Variants in KIAA1549 observed in about 807,000 individuals in gnomAD.
KIAA1549 encodes the protein KIAA1549, also known as UPF0606 protein KIAA1549.
A neutral mutation model predicts 156.4 loss-of-function variants in KIAA1549; 70 were observed. The observed-to-expected ratio is 0.45, with a 90% CI of 0.37 to 0.55. The LOEUF is 0.55. Ranked by LOEUF, KIAA1549 falls within the 20% of genes least tolerant of loss-of-function variation. The pLI, the probability that KIAA1549 is intolerant of heterozygous loss-of-function variation, is 0.00. For synonymous variants in KIAA1549, 1,103 were observed against 1,066.4 expected, an observed-to-expected ratio of 1.03 and a Z score of -0.67; for missense variants, 2,428 against 2,540.9, an observed-to-expected ratio of 0.96 and a Z score of 0.96.
At chr7:138,920,957 T>C (rs1426013454) in intron 1 of KIAA1549, among the ~76,000 whole-genome samples, 2 of 152,212 alleles carry the variant, frequency 1.3e-5, no homozygotes, top group South Asian at 2.1e-4. Flanking sequence ...AGTGACTGGA[T>C]GGCCTGCAAG....
chr7:138,918,453 G>A lies in KIAA1549; in HGVS notation c.1173C>T (p.Ser391=), dbSNP rs769166476. ...PFLPSDSSKT[S]ELHSNSALPG... ...GGAGGGCTGAATTGCTATGCAATTC[G>A]GATGTTTTGCTGGAGTCGCTAGGGA... is the stretch of plus-strand genomic sequence containing the variant. The change falls in exon 2 of 20, where the codon TCC becomes TCT. Residue 391 remains serine, a synonymous_variant. Coordinates refer to ENST00000422774, the MANE Select transcript of KIAA1549 (RefSeq NM_001164665.2). This position sits in a 1 kb window ranked among gnomAD's most constrained non-coding sequence, Gnocchi z 4.2. The A allele has an allele frequency of 2.4e-5, 39 of 1,613,774 alleles. No individual in the cohort carries two copies. Among genetic ancestry groups the A allele is most frequent in the Non-Finnish European group, 3.1e-5 (36 of 1,179,848 alleles).
In KIAA1549 at chr7:138,837,039, C is replaced by T. The variant is rs921936340; in HGVS notation, c.*867G>A. 1.7e-5 allele frequency: 4 copies of T among 228,578 alleles called. No individual in the cohort carries two copies. The highest frequency in any genetic ancestry group is 6.7e-5 in the African/African-American group (3 of 45,068). The allele number at this position is 228,578 out of a possible 1,614,324, so 14.2% of individuals were successfully genotyped here. A position where few individuals can be genotyped will look rare whatever the true frequency, so the allele number is the denominator to read the frequency against. ...ATTCTACAGGATCGGCCTTAGCGATCGGTGCTGAACTGGGACATGACCAGG... is the reference window on the plus strand; with the variant it reads ...ATTCTACAGGATCGGCCTTAGCGATTGGTGCTGAACTGGGACATGACCAGG... On this transcript the variant is annotated 3_prime_UTR_variant, in exon 20 of 20. Transcript: ENST00000422774.
Position 138,906,963 on chromosome 7 carries a change from T to A in KIAA1549, c.3416A>T (p.Glu1139Val). The part of the protein sequence containing the change: ...SELLRNLSVV[E>V]FSFYLGYPVL... ...TGGGTATCCCAGATAGAAACTGAAC[T>A]CCACCACACTCAAGTTTCTGAGCAG... is the stretch of plus-strand genomic sequence containing the variant. Residue 1139 changes from glutamate to valine, a missense_variant, in exon 6 of 20, where the codon GAG becomes GTG. By Grantham distance (121) the Glu-to-Val change is moderately radical (BLOSUM62 -2). This residue lies in a region of KIAA1549 where 762 missense variants were observed against 901.6 expected (regional missense o/e 0.85). Coordinates refer to ENST00000422774, the MANE Select transcript of KIAA1549 (RefSeq NM_001164665.2). The A allele has an allele frequency of 1.2e-6, 2 of 1,612,276 alleles. No individual in the cohort carries two copies. The highest frequency in any genetic ancestry group is 1.7e-6 in the Non-Finnish European group (2 of 1,179,246).
At chr7:138,941,199 G>A (rs1264764013) in intron 1 of KIAA1549, among the ~76,000 whole-genome samples, 1 of 152,154 alleles carries the variant, frequency 6.6e-6, no homozygotes, top group African/African-American at 2.4e-5. Flanking sequence ...TAAGTCACCT[G>A]ATTAGGAGTT....
In KIAA1549 at chr7:138,834,124, C is replaced by A. The variant is rs931907371; in HGVS notation, c.*3782G>T. 4.6e-6 allele frequency: 1 copy of A among 216,776 alleles called. No homozygotes were observed. The highest frequency in any genetic ancestry group is 9.3e-6 in the Non-Finnish European group (1 of 107,682). The allele number at this position is 216,776 out of a possible 1,614,324, so 13.4% of individuals were successfully genotyped here. ...AGATATTGCATTTCCAAACATGCAA[C>A]TTCTTCTGGGTGCCTAATTCATTTA... is the stretch of plus-strand genomic sequence containing the variant. On this transcript the variant is annotated 3_prime_UTR_variant, in exon 20 of 20. Transcript: ENST00000422774.
At chr7:138,868,151 T>C (rs1279938675) in intron 14 of KIAA1549, 23 bp from the exon 15 acceptor site, 2 of 1,604,862 alleles carry the variant, frequency 1.2e-6, no homozygotes, top group East Asian at 2.2e-5. Flanking sequence ...AGAGAAATTA[T>C]CTTCGTAGGA....
intron 12 of KIAA1549, among the ~76,000 whole-genome samples, chr7:138,879,285 C>A (rs1016322071): frequency 6.6e-6 from 1 of 152,138 alleles, no homozygotes; most frequent in Non-Finnish European, 1.5e-5. Flanking sequence ...GCAGGCAAAT[C>A]GTGAGGACTC....
intron 19 of KIAA1549, among the ~76,000 whole-genome samples, chr7:138,839,215 G>A (rs1809836369): frequency 6.6e-6 from 1 of 152,134 alleles, no homozygotes; most frequent in East Asian, 1.9e-4. Context: ...AATTGAGTGT[G>A]TCTGTTGGGA....
chr7:138,919,678 G>T (rs138735877), intron 1 of KIAA1549, among the ~76,000 whole-genome samples: 1 of 152,104 alleles, frequency 6.6e-6, no homozygotes, highest in Non-Finnish European at 1.5e-5. Flanking sequence ...GTGTATGTGT[G>T]GGGGTGGGGA....
chr7:138,974,302 G>C (rs914430979), intron 1 of KIAA1549, among the ~76,000 whole-genome samples: 3 of 152,094 alleles, frequency 2.0e-5, no homozygotes, highest in Non-Finnish European at 2.9e-5. Flanking sequence ...TCTCGGTGAG[G>C]TGGAGGGTGG....
chr7:138,935,255 T>C (rs956723525), intron 1 of KIAA1549, among the ~76,000 whole-genome samples: 31 of 152,234 alleles, frequency 2.0e-4, no homozygotes, highest in African/African-American at 7.2e-4. Flanking sequence ...GGGGACTCTA[T>C]TTCTGTGCAT....
chr7:138,832,302 T>A lies in KIAA1549; in HGVS notation c.*5604A>T, dbSNP rs982290722. ...GCCTCCAACTCATTGGCTCAAGCGATCCTCCAGTCTTAGCCTTTCGAGTAG... is the reference window on the plus strand; with the variant it reads ...GCCTCCAACTCATTGGCTCAAGCGAACCTCCAGTCTTAGCCTTTCGAGTAG... On this transcript the variant is annotated 3_prime_UTR_variant, in exon 20 of 20. Coordinates refer to ENST00000422774, the MANE Select transcript of KIAA1549 (RefSeq NM_001164665.2). 2 of 196,436 alleles carry A rather than the reference T, an allele frequency of 1.0e-5. No individual in the cohort carries two copies. Among genetic ancestry groups the A allele is most frequent in the Admixed American group, 6.1e-5 (1 of 16,266 alleles). 12.2% of individuals were successfully genotyped at this position (196,436 alleles called of 1,614,324 possible).
intron 1 of KIAA1549, among the ~76,000 whole-genome samples, chr7:138,926,276 T>C (rs1327224690): frequency 6.6e-6 from 1 of 150,880 alleles, no homozygotes; most frequent in Admixed American, 6.6e-5. Context: ...AGCAACTTTT[T>C]CCTTTTTCTT....
rs745381545 is a variant in KIAA1549, at chr7:138,869,746, G to A, written c.4567C>T (p.Arg1523Trp). 7.5e-6 allele frequency: 12 copies of A among 1,609,842 alleles called. No individual in the cohort carries two copies. The highest frequency in any genetic ancestry group is 2.7e-5 in the African/African-American group (2 of 74,908). The change falls in exon 14 of 20, where the codon CGG becomes TGG. Residue 1523 changes from arginine to tryptophan, a missense_variant. Physicochemically the swap from Arg to Trp is moderately radical, Grantham distance 101. Coordinates refer to ENST00000422774, the MANE Select transcript of KIAA1549 (RefSeq NM_001164665.2). ...KINKEIQTAL[R>W]HKSEIEHHRN... ...TGGTGCTCGATCTCAGACTTGTGCC[G>A]CAGCGCGGTCTGAATCTGAGGAAGG...
chr7:138,981,008 C>A lies in KIAA1549; in HGVS notation c.187+75G>T. 8.5e-7 allele frequency: 1 copy of A among 1,175,908 alleles called. No individual in the cohort carries two copies. The highest frequency in any genetic ancestry group is 1.1e-6 in the Non-Finnish European group (1 of 949,498). 72.8% of individuals were successfully genotyped at this position (1,175,908 alleles called of 1,614,324 possible). On this transcript the variant is annotated intron_variant, in intron 1 of 19. Transcript: ENST00000422774. This position sits in a 1 kb window ranked among gnomAD's most constrained non-coding sequence, Gnocchi z 4.5. ...AATAAAAGAGGATGGGCGGGGAAAG[C>A]CGGGGTTTTGAAAACAGCAGCGATA...
chr7:138,973,780 G>C (rs559284261), intron 1 of KIAA1549, among the ~76,000 whole-genome samples: 25 of 152,284 alleles, frequency 1.6e-4, no homozygotes, highest in Non-Finnish European at 3.4e-4. Flanking sequence ...GAATAGCTGA[G>C]ACTACAGGTG....
chr7:138,865,990 C>T (rs995473217), intron 15 of KIAA1549, among the ~76,000 whole-genome samples: 9 of 152,102 alleles, frequency 5.9e-5, no homozygotes, highest in African/African-American at 1.4e-4. Context: ...ACAAAAGCTC[C>T]GGGTGACAAC....
rs147398723 is a variant in KIAA1549 at position 138,968,574 on chromosome 7, G to A, written c.187+12509C>T. On this transcript the variant is annotated intron_variant, in intron 1 of 19. Coordinates refer to ENST00000422774, the MANE Select transcript of KIAA1549 (RefSeq NM_001164665.2). ...AAAACCTTGTGCTCCAAGGCCAGGC[G>A]TGGTGGCTCACGCCTGTAATCCCAG... Among the ~76,000 whole-genome samples the A allele has an allele frequency of 5.0e-3, 763 of 151,502 alleles. 8 individuals are homozygous for A. Among genetic ancestry groups the A allele is most frequent in the African/African-American group, 0.018 (744 of 41,248 alleles).
intron 1 of KIAA1549, among the ~76,000 whole-genome samples, chr7:138,975,300 GGAA>G (rs1347770997): frequency 1.2e-4 from 19 of 152,190 alleles, no homozygotes; most frequent in Non-Finnish European, 2.4e-4. Flanking sequence ...GATGCAAGAG[GGAA>G]GAATAAAGGG....
Sources: allele counts gnomAD v4.1 joint callset (sites outside exome capture counted in the v4.1 genomes callset), GRCh38; gene constraint gnomAD v4.1.1; regional missense constraint gnomAD v4.1.1; non-coding constraint Gnocchi (gnomAD v3.1); transcripts MANE v1.5; gene names NCBI Gene and HGNC (gene_info 2026-07-23, HGNC 2026-07-21).